PCDHGA4: variants seen among roughly 807,000 people sequenced by gnomAD.
PCDHGA4 encodes the protein protocadherin gamma-A4.
PCDHGA4 carries 38 observed loss-of-function variants against 54.6 expected under a neutral mutation model. The ratio of observed to expected loss-of-function variants is 0.70; its 90% CI spans 0.54 to 0.91. PCDHGA4 has a LOEUF of 0.91. Among genes scored for constraint, PCDHGA4 ranks in the 40% least tolerant of loss-of-function variants. PCDHGA4 has a pLI of 0.00. For synonymous variants in PCDHGA4, 511 were observed against 512.9 expected, an observed-to-expected ratio of 1.00 and a Z score of 0.05; for missense variants, 1,298 against 1,220.9, an observed-to-expected ratio of 1.06 and a Z score of -0.94.
At chr5:141,394,436 C>T in intron 1 of PCDHGA4, 1 of 1,614,234 alleles carries the variant, frequency 6.2e-7, no homozygotes, top group South Asian at 1.1e-5. Context: ...GGGACCCGCC[C>T]CTCAGCAGCA....
At chr5:141,383,797 G>C in intron 1 of PCDHGA4, 1 of 1,613,964 alleles carries the variant, frequency 6.2e-7, no homozygotes, top group Non-Finnish European at 8.5e-7. Context: ...GCTTACAGGA[G>C]AAATATCAAC....
At position 141,372,451 on chromosome 5, in the gene PCDHGA4, C is replaced by G. The variant is rs749000608; in HGVS notation, c.2514+14830C>G. 8 of 1,614,042 alleles carry G rather than the reference C, an allele frequency of 5.0e-6. No individual in the cohort carries two copies. In the East Asian group the frequency reaches 1.6e-4, roughly 31 times the overall value. On this transcript the variant is annotated intron_variant, in intron 1 of 3. Coordinates refer to ENST00000571252, the MANE Select transcript of PCDHGA4 (RefSeq NM_018917.4). The stretch of plus-strand genomic sequence containing the variant: ...CGCCCCACTCCCTCTGACCCTCAGG[C>G]GGAGCTACAGTTTCACCTAGTAGTG...
Position 141,389,969 on chromosome 5 carries a change from C to T in PCDHGA4, c.2514+32348C>T, listed in dbSNP as rs762168749. 10 of 1,614,042 alleles carry T rather than the reference C, an allele frequency of 6.2e-6. No individual in the cohort carries two copies. In the South Asian group the frequency reaches 1.1e-4, roughly 18 times the overall value. On this transcript the variant is annotated intron_variant, in intron 1 of 3. Coordinates refer to ENST00000571252, the MANE Select transcript of PCDHGA4 (RefSeq NM_018917.4). ...AGTTTTACCTAGTGGTGGCCTTGGC[C>T]TTGATCTCAGTGCTCTTCCTCGTGG...
chr5:141,481,455 C>T (rs2099537897), intron 1 of PCDHGA4, among the ~76,000 whole-genome samples: 1 of 152,176 alleles, frequency 6.6e-6, no homozygotes, highest in African/African-American at 2.4e-5. Flanking sequence ...TGTAAATACA[C>T]TGAAAACCAT....
chr5:141,389,645 C>A, intron 1 of PCDHGA4: 1 of 1,612,912 alleles, frequency 6.2e-7, no homozygotes, highest in Non-Finnish European at 8.5e-7. Context: ...ACTTGGTGAC[C>A]AAGGTAGTGG....
At chr5:141,467,846 A>G (rs984687278) in intron 1 of PCDHGA4, among the ~76,000 whole-genome samples, 2 of 151,926 alleles carry the variant, frequency 1.3e-5, no homozygotes, top group Non-Finnish European at 2.9e-5. Context: ...TTTTTGTAGA[A>G]TGAGATTTCA....
At chr5:141,507,016 G>C (rs913170594) in intron 3 of PCDHGA4, 1 of 152,166 alleles carries the variant, frequency 6.6e-6, no homozygotes, top group African/African-American at 2.4e-5. Context: ...AACCGAGAAG[G>C]CACTTGCCCC....
rs894528472 is a variant in PCDHGA4 at position 141,489,718 on chromosome 5, C to A, written c.2515-5089C>A. 6.2e-7 allele frequency: 1 copy of A among 1,614,038 alleles called. No individual in the cohort carries two copies. Among genetic ancestry groups the A allele is most frequent in the African/African-American group, 1.3e-5 (1 of 74,934 alleles). ...ATTCCCACTGGACAGTGCCCAGGATCCGGATGTGGGCACCAATACTGTGAG... is the reference window on the plus strand; with the variant it reads ...ATTCCCACTGGACAGTGCCCAGGATACGGATGTGGGCACCAATACTGTGAG... On this transcript the variant is annotated intron_variant, in intron 1 of 3. Coordinates refer to ENST00000571252, the MANE Select transcript of PCDHGA4 (RefSeq NM_018917.4). This position sits in a 1 kb window ranked among gnomAD's most constrained non-coding sequence, Gnocchi z 4.5.
chr5:141,395,886 C>A (rs538799478), intron 1 of PCDHGA4: 1 of 152,168 alleles, frequency 6.6e-6, no homozygotes, highest in East Asian at 1.9e-4. Context: ...TCAGTGGTCA[C>A]CTGGGCTCCA....
chr5:141,441,018 TG>T (rs1482478700), intron 1 of PCDHGA4: 1 of 152,164 alleles, frequency 6.6e-6, no homozygotes, highest in Non-Finnish European at 1.5e-5. Context: ...GATCAAATAG[TG>T]GAGAAATGAA....
At chr5:141,435,271 T>C (rs1242477213) in intron 1 of PCDHGA4, among the ~76,000 whole-genome samples, 1 of 152,216 alleles carries the variant, frequency 6.6e-6, no homozygotes, top group African/African-American at 2.4e-5. Context: ...CCATTTATAC[T>C]TTCTCAGTAT....
chr5:141,427,114 A>G (rs767478190), intron 1 of PCDHGA4: 1 of 457,522 alleles, frequency 2.2e-6, no homozygotes, highest in Non-Finnish European at 4.4e-6. Flanking sequence ...GAGATCACCT[A>G]CTCTTTCAAA....
intron 2 of PCDHGA4, among the ~76,000 whole-genome samples, chr5:141,497,984 C>G (rs2099780951): frequency 6.6e-6 from 1 of 152,194 alleles, no homozygotes; most frequent in South Asian, 2.1e-4. Flanking sequence ...TGGGAGGCCC[C>G]TGCCCTCAAG....
At position 141,376,211 on chromosome 5, in the gene PCDHGA4, G is replaced by T; in HGVS notation, c.2514+18590G>T. The T allele has an allele frequency of 6.2e-7, 1 of 1,614,180 alleles. No homozygotes were observed. Among genetic ancestry groups the T allele is most frequent in the South Asian group, 1.1e-5 (1 of 91,070 alleles). ...CTGCGTCTTCCTGGCCTTCGTCATC[G>T]TGCTGCTGGCGCTCAGACTGCAGCG... On this transcript the variant is annotated intron_variant, in intron 1 of 3. Transcript: ENST00000571252.
chr5:141,357,725 T>C (rs1760714426), intron 1 of PCDHGA4, 104 bp downstream of exon 1: 3 of 1,394,618 alleles, frequency 2.2e-6, no homozygotes, highest in Middle Eastern at 1.9e-4. Flanking sequence ...GTTGCCTCTT[T>C]TAATATTTTA....
intron 1 of PCDHGA4, chr5:141,426,986 C>T (rs764345099): frequency 1.8e-5 from 8 of 456,618 alleles, no homozygotes; most frequent in South Asian, 7.7e-5. Flanking sequence ...CTGATGCCAA[C>T]GATAATGCCC....
intron 3 of PCDHGA4, 88 bp from the exon 4 acceptor site, chr5:141,510,859 A>G: frequency 6.2e-7 from 1 of 1,606,096 alleles, no homozygotes; most frequent in Non-Finnish European, 8.5e-7. Context: ...GGTGCTGTAT[A>G]GGCATTCATT....
chr5:141,415,304 C>A, intron 1 of PCDHGA4: 1 of 1,614,188 alleles, frequency 6.2e-7, no homozygotes, highest in Non-Finnish European at 8.5e-7. Context: ...GTCTTCCTGG[C>A]CTTCGTCATC....
intron 1 of PCDHGA4, chr5:141,385,685 C>T (rs1022994434): frequency 3.0e-6 from 1 of 331,334 alleles, no homozygotes; most frequent in Non-Finnish European, 4.5e-6. Flanking sequence ...CAGCTGTCTT[C>T]TCAGGATTCT....
Sources: gnomAD v4.1 joint callset for allele counts (sites outside exome capture counted in the v4.1 genomes callset) on GRCh38, gnomAD v4.1.1 for gene constraint, Gnocchi (gnomAD v3.1) non-coding constraint, MANE v1.5 for transcripts, NCBI Gene and HGNC (gene_info 2026-07-23, HGNC 2026-07-21) for gene names.